The following PRKCE variants were observed in gnomAD, a reference collection of about 807,000 sequenced individuals.
PRKCE encodes protein kinase C epsilon, also known as protein kinase C epsilon type.
In PRKCE, 16 loss-of-function variants were observed where a neutral mutation model predicts 85.4. The observed-to-expected ratio is 0.19, with a 90% confidence interval of 0.13 to 0.28. The LOEUF is 0.28. PRKCE is among the 10% of genes least tolerant of loss of function. The pLI, the probability that PRKCE is intolerant of heterozygous loss-of-function variation, is 1.00. For synonymous variants in PRKCE, 388 were observed against 371.5 expected (o/e 1.04, Z -0.51); for missense variants, 573 against 975.2 (o/e 0.59, Z 5.49).
chr2:46,088,880 A>C (rs1196736619), intron 11 of PRKCE, among the ~76,000 whole-genome samples: 1 of 152,204 alleles, frequency 6.6e-6, no homozygotes, highest in Non-Finnish European at 1.5e-5. Flanking sequence ...AATGACAGAC[A>C]TAGGAGGTAT....
chr2:45,813,541 A>G (rs995963980), intron 1 of PRKCE, among the ~76,000 whole-genome samples: 2 of 152,036 alleles, frequency 1.3e-5, no homozygotes, highest in African/African-American at 4.8e-5. Context: ...GGGACATGAG[A>G]GTTGAGAGCT....
intron 10 of PRKCE, among the ~76,000 whole-genome samples, chr2:46,020,210 G>T (rs968839666): frequency 1.3e-5 from 2 of 151,980 alleles, no homozygotes; most frequent in African/African-American, 4.8e-5. Flanking sequence ...GTGTATGGTG[G>T]GTGGGAGCTG....
intron 11 of PRKCE, among the ~76,000 whole-genome samples, chr2:46,118,236 T>C (rs1359442536): frequency 6.6e-6 from 1 of 152,220 alleles, no homozygotes; most frequent in Non-Finnish European, 1.5e-5. Context: ...AACTTGAGCA[T>C]GGGAACCATC....
At chr2:46,051,041 C>T (rs898196494) in intron 10 of PRKCE, among the ~76,000 whole-genome samples, 4 of 152,180 alleles carry the variant, frequency 2.6e-5, no homozygotes, top group Non-Finnish European at 1.5e-5. Flanking sequence ...AGAAGAAAGA[C>T]AATATGTGCA....
intron 10 of PRKCE, among the ~76,000 whole-genome samples, chr2:46,065,378 T>A (rs903773100): frequency 5.9e-5 from 9 of 152,066 alleles, no homozygotes; most frequent in Non-Finnish European, 1.3e-4. Flanking sequence ...ATAATCTGTT[T>A]CCCAACAAGT....
intron 9 of PRKCE, among the ~76,000 whole-genome samples, chr2:46,008,058 T>G (rs1218666724): frequency 6.6e-6 from 1 of 152,240 alleles, no homozygotes; most frequent in Non-Finnish European, 1.5e-5. Context: ...ATGAAGACTT[T>G]GAGAATGAAT....
intron 10 of PRKCE, among the ~76,000 whole-genome samples, chr2:46,025,207 C>G (rs1286099221): frequency 6.6e-6 from 1 of 152,188 alleles, no homozygotes; most frequent in African/African-American, 2.4e-5. Flanking sequence ...GACGTGGTGA[C>G]TGAGGTGCAG....
chr2:45,707,482 A>G (rs929165579), intron 1 of PRKCE, among the ~76,000 whole-genome samples: 1 of 152,224 alleles, frequency 6.6e-6, no homozygotes, highest in African/African-American at 2.4e-5. Context: ...CATTTGACAG[A>G]TGGGGGAGAA....
At chr2:45,890,259 G>GC (rs879421402) in intron 2 of PRKCE, among the ~76,000 whole-genome samples, 6 of 152,102 alleles carry the variant, frequency 3.9e-5, no homozygotes, top group South Asian at 4.2e-4. Flanking sequence ...ATTACCCATG[G>GC]CCAGTCTTGC....
intron 1 of PRKCE, among the ~76,000 whole-genome samples, chr2:45,677,538 A>G (rs940863726): frequency 1.6e-4 from 25 of 152,008 alleles, no homozygotes; most frequent in Non-Finnish European, 2.9e-4. Context: ...TTGTATTTTT[A>G]GTAGAGACGG....
intron 1 of PRKCE, among the ~76,000 whole-genome samples, chr2:45,765,553 A>G (rs760716366): frequency 6.6e-6 from 1 of 152,220 alleles, no homozygotes; most frequent in Non-Finnish European, 1.5e-5. Flanking sequence ...TCTTCATTCA[A>G]TACCTCATCT....
rs1301202682 is a variant in PRKCE at position 46,007,504 on chromosome 2, T to A, written c.1106T>A (p.Phe369Tyr). The part of the protein sequence containing the change: ...LENNIRKALS[F>Y]DNRGEEHRAA... The stretch of plus-strand genomic sequence containing the variant: ...AACAACATTCGGAAAGCCTTGTCAT[T>A]TGACAACCGAGGAGAGGAGCACCGG... Residue 369 changes from phenylalanine to tyrosine, a missense_variant, in exon 9 of 15, where the codon TTT becomes TAT. By Grantham distance (22) the Phe-to-Tyr change is conservative. This residue lies in a region of PRKCE where 117 missense variants were observed against 104.8 expected (regional missense o/e 1.12). Coordinates refer to ENST00000306156, the MANE Select transcript of PRKCE (RefSeq NM_005400.3). 52 of 1,599,648 alleles carry A rather than the reference T, an allele frequency of 3.3e-5. No individual in the cohort carries two copies. Among genetic ancestry groups the A allele is most frequent in the Non-Finnish European group, 4.2e-5 (49 of 1,179,972 alleles).
intron 2 of PRKCE, among the ~76,000 whole-genome samples, chr2:45,963,769 G>A (rs903123460): frequency 2.0e-5 from 3 of 152,130 alleles, no homozygotes; most frequent in Non-Finnish European, 4.4e-5. Flanking sequence ...CGCCCTGCCG[G>A]GACTCCAGAT....
At chr2:45,655,353 A>AT (rs66793925) in intron 1 of PRKCE, among the ~76,000 whole-genome samples, 10,725 of 145,196 alleles carry the variant, frequency 0.074, 1,045 homozygotes, top group African/African-American at 0.23. Flanking sequence ...GTTTTTTTGC[A>AT]TTTTTTTTTT....
At chr2:45,852,508 A>G (rs999302356) in intron 2 of PRKCE, among the ~76,000 whole-genome samples, 1 of 152,188 alleles carries the variant, frequency 6.6e-6, no homozygotes, top group African/African-American at 2.4e-5. Context: ...AGAGCTAAAC[A>G]AACAAAGATG....
chr2:45,990,388 C>T lies in PRKCE; in HGVS notation c.823+5708C>T, dbSNP rs541215344. ...TGTTTTCTGTTCATTAGAAGAGAAT[C>T]ACTACGTCCAGTCCTCTCCAAGGGA... On this transcript the variant is annotated intron_variant, in intron 6 of 14. Coordinates refer to ENST00000306156, the MANE Select transcript of PRKCE (RefSeq NM_005400.3). Among the ~76,000 whole-genome samples, 4 of 152,304 alleles carry T rather than the reference C, an allele frequency of 2.6e-5. No individual in the cohort carries two copies. The South Asian group carries it at 8.3e-4, about 32-fold the overall frequency.
At chr2:45,981,413 C>T (rs1244335378) in intron 5 of PRKCE, among the ~76,000 whole-genome samples, 2 of 152,178 alleles carry the variant, frequency 1.3e-5, no homozygotes, top group Non-Finnish European at 2.9e-5. Flanking sequence ...CTTCTACCTG[C>T]TTCTTAATAA....
intron 2 of PRKCE, among the ~76,000 whole-genome samples, chr2:45,932,080 C>A (rs1286845478): frequency 6.6e-6 from 1 of 152,140 alleles, no homozygotes; most frequent in Non-Finnish European, 1.5e-5. Context: ...ACATGGCCAG[C>A]CCCCTCCATC....
At chr2:45,674,494 G>A (rs975109425) in intron 1 of PRKCE, among the ~76,000 whole-genome samples, 1 of 152,150 alleles carries the variant, frequency 6.6e-6, no homozygotes, top group Non-Finnish European at 1.5e-5. Context: ...CAAGGGCTAG[G>A]GATCTTTACA....
Sources: allele counts gnomAD v4.1 joint callset (sites outside exome capture counted in the v4.1 genomes callset), GRCh38; gene constraint gnomAD v4.1.1; regional missense constraint gnomAD v4.1.1; transcripts MANE v1.5; gene names NCBI Gene and HGNC (gene_info 2026-07-23, HGNC 2026-07-21).